CDK12: variants seen among roughly 807,000 people sequenced by gnomAD.
The protein encoded by CDK12 is cyclin-dependent kinase 12.
In CDK12, 17 loss-of-function variants were observed where a neutral mutation model predicts 133.8. That is an observed-to-expected ratio of 0.13 (90% CI 0.09 to 0.19). CDK12 has a LOEUF of 0.19. CDK12 is among the 10% of genes least tolerant of loss of function. The pLI is 1.00. For missense variants in CDK12, 1,508 were observed against 1,818.7 expected, an observed-to-expected ratio of 0.83 and a Z score of 3.11; for synonymous variants, 694 against 683.6, an observed-to-expected ratio of 1.02 and a Z score of -0.24.
rs796765674 is a variant in CDK12 at position 39,496,241 on chromosome 17, G to A, written c.2419+1547G>A. On this transcript the variant is annotated intron_variant, in intron 5 of 13. Transcript: ENST00000447079. The stretch of plus-strand genomic sequence containing the variant: ...TTTAGTACTTTATGCCATATCTACT[G>A]TATTTATTTTAACAAAGCTGAGATT... Among the ~76,000 whole-genome samples, 8 of 152,154 alleles carry A rather than the reference G, an allele frequency of 5.3e-5. 1 individual carries two copies. In the South Asian group the frequency reaches 1.7e-3, roughly 32 times the overall value.
chr17:39,470,820 G>C (rs2049736417), intron 1 of CDK12, 59 bp from the exon 2 acceptor site: 2 of 1,352,666 alleles, frequency 1.5e-6, no homozygotes, highest in Non-Finnish European at 2.0e-6. Context: ...TTATTGATCT[G>C]TTTTCCTCCA....
intron 2 of CDK12, among the ~76,000 whole-genome samples, chr17:39,484,962 A>G (rs1179510756): frequency 6.6e-6 from 1 of 152,102 alleles, no homozygotes; most frequent in Non-Finnish European, 1.5e-5. Flanking sequence ...CGAGGTCAGG[A>G]GATCGAGACC....
intron 5 of CDK12, among the ~76,000 whole-genome samples, chr17:39,496,125 T>G (rs2052091323): frequency 6.6e-6 from 1 of 152,042 alleles, no homozygotes; most frequent in African/African-American, 2.4e-5. Flanking sequence ...TTGGCCAGGC[T>G]GGTTTCGAAC....
chr17:39,481,288 T>C (rs1402898541), intron 2 of CDK12, among the ~76,000 whole-genome samples: 2 of 151,206 alleles, frequency 1.3e-5, no homozygotes, highest in Admixed American at 6.6e-5. Flanking sequence ...GAAATTTCAG[T>C]TAACCATATA....
At chr17:39,521,903 T>C (rs1386120853) in intron 11 of CDK12, among the ~76,000 whole-genome samples, 2 of 150,582 alleles carry the variant, frequency 1.3e-5, no homozygotes, top group East Asian at 3.9e-4. Context: ...AGTCTCACAA[T>C]GTTGTCCAGA....
chr17:39,544,766 G>A (rs1275660248), upstream of CDK12, among the ~76,000 whole-genome samples: 6 of 151,820 alleles, frequency 4.0e-5, no homozygotes, highest in South Asian at 2.1e-4. Context: ...GAGTAGCTGC[G>A]GTTACAGGCA....
At chr17:39,487,257 G>T (rs1490416464) in intron 2 of CDK12, among the ~76,000 whole-genome samples, 1 of 152,156 alleles carries the variant, frequency 6.6e-6, no homozygotes, top group Non-Finnish European at 1.5e-5. Context: ...GATAAAAATT[G>T]GCAGGAGTCA....
intron 6 of CDK12, among the ~76,000 whole-genome samples, chr17:39,509,057 C>G (rs567885903): frequency 6.6e-6 from 1 of 151,228 alleles, no homozygotes. Context: ...TGAAGTGATT[C>G]TCAAAGCCTG....
intron 12 of CDK12, 44 bp from the exon 13 acceptor site, chr17:39,525,819 TG>T: frequency 6.7e-7 from 1 of 1,496,670 alleles, no homozygotes; most frequent in South Asian, 1.2e-5. Flanking sequence ...AAAGGGCCCT[TG>T]GCCTATCTCA....
intron 3 of CDK12, among the ~76,000 whole-genome samples, chr17:39,558,461 A>G (rs2056245102): frequency 1.3e-5 from 2 of 152,230 alleles, no homozygotes; most frequent in African/African-American, 4.8e-5. Context: ...TGATGCCTGT[A>G]TGCCAGGCAT....
In CDK12 at chr17:39,533,169, C is replaced by T. The variant is rs1415649430; in HGVS notation, c.*1853C>T. ...CTGTTAATGAGATATAGCTAGATATCGGTGTGTGTATTTCTTTATTATTCT... is the reference window on the plus strand; with the variant it reads ...CTGTTAATGAGATATAGCTAGATATTGGTGTGTGTATTTCTTTATTATTCT... On this transcript the variant is annotated 3_prime_UTR_variant, in exon 14 of 14. Transcript: ENST00000447079. The T allele has an allele frequency of 1.7e-5, 4 of 232,536 alleles. No homozygotes were observed. Among genetic ancestry groups the T allele is most frequent in the Admixed American group, 1.7e-4 (3 of 17,760 alleles). 14.4% of individuals were successfully genotyped at this position (232,536 alleles called of 1,614,324 possible).
upstream of CDK12, among the ~76,000 whole-genome samples, chr17:39,548,333 G>T (rs1377588096): frequency 6.6e-6 from 1 of 152,186 alleles, no homozygotes; most frequent in African/African-American, 2.4e-5. Flanking sequence ...AGCTGAACTT[G>T]GGAAGCCCCC....
chr17:39,503,580 C>T (rs987486397), intron 6 of CDK12, among the ~76,000 whole-genome samples: 7 of 152,344 alleles, frequency 4.6e-5, no homozygotes, highest in African/African-American at 1.2e-4. Flanking sequence ...ATTGCAGCTC[C>T]GTTTGGTGTC....
At chr17:39,559,515 C>T (rs932048021) in intron 3 of CDK12, among the ~76,000 whole-genome samples, 3 of 152,186 alleles carry the variant, frequency 2.0e-5, no homozygotes, top group Non-Finnish European at 2.9e-5. Flanking sequence ...CTCCTTAACC[C>T]TTGACACCAC....
At chr17:39,481,272 A>T (rs899852682) in intron 2 of CDK12, among the ~76,000 whole-genome samples, 3 of 151,204 alleles carry the variant, frequency 2.0e-5, no homozygotes, top group Admixed American at 2.0e-4. Context: ...AAAGAAAAAA[A>T]AAAAAGAAAT....
chr17:39,507,688 G>GT (rs1460421162), intron 6 of CDK12, among the ~76,000 whole-genome samples: 2 of 152,154 alleles, frequency 1.3e-5, no homozygotes, highest in Non-Finnish European at 2.9e-5. Flanking sequence ...ACTGATTTCT[G>GT]TAACTATATA....
At chr17:39,510,245 G>A (rs1427175129) in intron 7 of CDK12, among the ~76,000 whole-genome samples, 5 of 148,514 alleles carry the variant, frequency 3.4e-5, no homozygotes, top group Non-Finnish European at 5.9e-5. Context: ...TCAGCCTCCC[G>A]AGTAGCTGGT....
At chr17:39,475,526 CAGAAG>C (rs1042382795) in intron 2 of CDK12, among the ~76,000 whole-genome samples, 37 of 150,944 alleles carry the variant, frequency 2.5e-4, no homozygotes, top group African/African-American at 8.5e-4. Context: ...ATGAAAATTA[CAGAAG>C]AGAAGAGAAC....
intron 3 of CDK12, among the ~76,000 whole-genome samples, chr17:39,563,097 A>T (rs1007950642): frequency 2.6e-5 from 4 of 152,072 alleles, no homozygotes; most frequent in African/African-American, 9.7e-5. Flanking sequence ...TTCTCGGCTC[A>T]GCTTGATGAA....
Sources: allele counts gnomAD v4.1 joint callset (sites outside exome capture counted in the v4.1 genomes callset), GRCh38; gene constraint gnomAD v4.1.1; transcripts MANE v1.5; gene names NCBI Gene and HGNC (gene_info 2026-07-23, HGNC 2026-07-21).